The following DDX60 variants were observed in gnomAD, a reference collection of about 807,000 sequenced individuals.
DDX60 encodes the protein DExD/H-box helicase 60.
A neutral mutation model predicts 212.8 loss-of-function variants in DDX60; 165 were observed. The observed-to-expected ratio is 0.78, with a 90% CI of 0.68 to 0.88. The LOEUF (loss-of-function observed/expected upper bound fraction) is 0.88, where lower values mean the gene tolerates loss of function less well. Among genes scored for constraint, DDX60 ranks in the 40% least tolerant of loss-of-function variants. The pLI is 0.00. For missense variants in DDX60, 1,905 were observed against 2,003.9 expected (o/e 0.95, Z 0.94); for synonymous variants, 703 against 685.3 (o/e 1.03, Z -0.40).
intron 1 of DDX60, among the ~76,000 whole-genome samples, chr4:168,318,341 C>A (rs552566043): frequency 4.3e-4 from 66 of 152,356 alleles, no homozygotes; most frequent in Non-Finnish European, 8.2e-4. Flanking sequence ...CCACCTTTGA[C>A]GGGGACTCCT....
chr4:168,252,727 C>T (rs1373909589), intron 26 of DDX60, 71 bp from the exon 27 acceptor site: 1 of 1,310,202 alleles, frequency 7.6e-7, no homozygotes, highest in African/African-American at 1.5e-5. Context: ...TTGATTTGGC[C>T]ACCAGAGGAT....
intron 14 of DDX60, among the ~76,000 whole-genome samples, chr4:168,279,351 A>AT (rs1735489343): frequency 6.6e-6 from 1 of 152,196 alleles, no homozygotes; most frequent in African/African-American, 2.4e-5. Flanking sequence ...TTGAGATTGT[A>AT]TTTTTACCTC....
chr4:168,283,732 T>C, intron 12 of DDX60, 126 bp from the exon 13 acceptor site: 1 of 668,630 alleles, frequency 1.5e-6, no homozygotes, highest in South Asian at 2.6e-5. Flanking sequence ...TCATTATCTT[T>C]CTTAAAGAGA....
rs1448729805 is a variant in DDX60, at chr4:168,268,927, G to A, written c.2713C>T (p.His905Tyr). 1 of 1,592,960 alleles carries A rather than the reference G, an allele frequency of 6.3e-7. No homozygotes were observed. ...GGACATCGGATCATGACAAGGAGATGTTCCCAGATTTCTGCTCCAATTTCT... is the reference window on the plus strand; with the variant it reads ...GGACATCGGATCATGACAAGGAGATATTCCCAGATTTCTGCTCCAATTTCT... ...GGEIGAEIWE[H>Y]LLVMIRCPFL... The change falls in exon 20 of 38, where the codon CAT becomes TAT. Residue 905 changes from histidine (H) to tyrosine (Y), a missense_variant. Transcript: ENST00000393743.
chr4:168,296,242 C>T (rs900327044), intron 6 of DDX60, among the ~76,000 whole-genome samples: 3 of 151,964 alleles, frequency 2.0e-5, no homozygotes, highest in African/African-American at 4.8e-5. Flanking sequence ...CAAAACAAAA[C>T]GTTGTACTTC....
intron 33 of DDX60, among the ~76,000 whole-genome samples, chr4:168,233,750 G>A (rs1478661120): frequency 6.6e-6 from 1 of 152,032 alleles, no homozygotes; most frequent in South Asian, 2.1e-4. Flanking sequence ...TACACATTGG[G>A]TGCAGTGTAC....
intron 7 of DDX60, 143 bp from the exon 8 acceptor site, chr4:168,292,049 C>CTTTCT (rs58664687): frequency 6.9e-5 from 21 of 303,566 alleles, no homozygotes; most frequent in Middle Eastern, 9.2e-4. Flanking sequence ...TTCTTTCTTT[C>CTTTCT]TTTTTTTTTT....
chr4:168,235,828 G>A (rs1280715368), intron 33 of DDX60, among the ~76,000 whole-genome samples: 1 of 151,938 alleles, frequency 6.6e-6, no homozygotes, highest in East Asian at 1.9e-4. Flanking sequence ...TGACTATTCT[G>A]ATATTTTCTC....
At chr4:168,249,812 A>T (rs1220268320) in intron 28 of DDX60, among the ~76,000 whole-genome samples, 4 of 150,070 alleles carry the variant, frequency 2.7e-5, no homozygotes, top group African/African-American at 7.3e-5. Flanking sequence ...GCTACATCTT[A>T]TTTTTTTTTT....
At chr4:168,222,933 T>C (rs147089572) in intron 35 of DDX60, among the ~76,000 whole-genome samples, 1,694 of 152,098 alleles carry the variant, frequency 0.011, 18 homozygotes, top group African/African-American at 0.035. Context: ...TATTAAGTAC[T>C]AAAAATAAAA....
rs1733218328 is a variant in DDX60, at chr4:168,225,426, A to C, written c.4681+103T>G. 30 of 1,270,880 alleles carry C rather than the reference A, an allele frequency of 2.4e-5. No individual in the cohort carries two copies. In the South Asian group the frequency reaches 3.5e-4, roughly 15 times the overall value. The allele number at this position is 1,270,880 out of a possible 1,614,324, so 78.7% of individuals were successfully genotyped here. A position where few individuals can be genotyped will look rare whatever the true frequency, so the allele number is the denominator to read the frequency against. ...AAAGGAATCTCCTCACTTGAGGGCA[A>C]AATAAACTTTCTGGGGTTCCACTCT... On this transcript the variant is annotated intron_variant, in intron 34 of 37. Transcript: ENST00000393743.
At chr4:168,231,431 A>G (rs1394563480) in intron 33 of DDX60, among the ~76,000 whole-genome samples, 3 of 151,992 alleles carry the variant, frequency 2.0e-5, no homozygotes, top group Non-Finnish European at 2.9e-5. Context: ...CTACAGACCA[A>G]TATCTCTGAT....
At chr4:168,244,288 T>A (rs942396782) in intron 30 of DDX60, among the ~76,000 whole-genome samples, 2 of 152,096 alleles carry the variant, frequency 1.3e-5, no homozygotes, top group African/African-American at 4.8e-5. Flanking sequence ...AAAGAAAAAA[T>A]TATTTGTCAT....
intron 34 of DDX60, among the ~76,000 whole-genome samples, chr4:168,224,877 A>G (rs1733193802): frequency 6.6e-6 from 1 of 152,026 alleles, no homozygotes; most frequent in Non-Finnish European, 1.5e-5. Context: ...CATAATATTC[A>G]CAGACTCCAA....
intron 5 of DDX60, among the ~76,000 whole-genome samples, chr4:168,305,129 A>G (rs977601095): frequency 2.6e-5 from 4 of 152,262 alleles, no homozygotes; most frequent in African/African-American, 9.6e-5. Flanking sequence ...ATACAGTAAC[A>G]TGCTGTATAG....
At position 168,298,961 on chromosome 4, in the gene DDX60, A is replaced by G. The variant is rs1053819878; in HGVS notation, c.723+3339T>C. 7.9e-5 allele frequency among the ~76,000 whole-genome samples: 12 copies of G among 152,080 alleles called. No individual in the cohort carries two copies. In the South Asian group the frequency reaches 1.2e-3, roughly 16 times the overall value. Reference sequence around the variant, plus strand: ...GCAGATCATGAGGTCAAGAGATTGAAACCATCCTGGCCAACTTGGTGAAAT... The same window carrying G: ...GCAGATCATGAGGTCAAGAGATTGAGACCATCCTGGCCAACTTGGTGAAAT... On this transcript the variant is annotated intron_variant, in intron 6 of 37. Coordinates refer to ENST00000393743, the MANE Select transcript of DDX60 (RefSeq NM_017631.6).
intron 5 of DDX60, among the ~76,000 whole-genome samples, chr4:168,303,562 AT>A (rs1736743004): frequency 6.6e-6 from 1 of 152,232 alleles, no homozygotes; most frequent in Non-Finnish European, 1.5e-5. Flanking sequence ...CCATAAGATT[AT>A]AATGGAGCTG....
At chr4:168,229,778 A>T (rs1733381257) in intron 33 of DDX60, among the ~76,000 whole-genome samples, 1 of 152,022 alleles carries the variant, frequency 6.6e-6, no homozygotes. Context: ...CATAAATCTC[A>T]CAAGACCTAT....
intron 37 of DDX60, 65 bp downstream of exon 37, chr4:168,220,590 A>T: frequency 1.0e-6 from 1 of 985,148 alleles, no homozygotes; most frequent in Admixed American, 3.0e-5. Flanking sequence ...TAACAGCTCA[A>T]CATTTTTCAA....
Sources: allele counts gnomAD v4.1 joint callset (sites outside exome capture counted in the v4.1 genomes callset), GRCh38; gene constraint gnomAD v4.1.1; transcripts MANE v1.5; gene names NCBI Gene and HGNC (gene_info 2026-07-23, HGNC 2026-07-21).